Variants in BLTP1 observed in about 807,000 individuals in gnomAD.
BLTP1 encodes bridge-like lipid transfer protein family member 1, also known as fragile site-associated protein.
the BLTP1 span, among the ~76,000 whole-genome samples, chr4:122,310,360 T>C: frequency 2.0e-5 from 3 of 152,108 alleles, no homozygotes; most frequent in Non-Finnish European, 4.4e-5. Context: ...GGGGGGCTTG[T>C]GTAATAAAAG....
the BLTP1 span, chr4:122,351,166 G>A: frequency 2.4e-6 from 1 of 415,162 alleles, no homozygotes; most frequent in Non-Finnish European, 3.2e-6. Flanking sequence ...GGATGATAGA[G>A]GTGTAAGTGG....
the BLTP1 span, among the ~76,000 whole-genome samples, chr4:122,339,885 A>G: frequency 6.6e-6 from 1 of 152,240 alleles, no homozygotes; most frequent in Non-Finnish European, 1.5e-5. Context: ...AAATTTGGTT[A>G]TACAACTCAA....
At chr4:122,254,820 A>G in the BLTP1 span, 1 of 1,578,144 alleles carries the variant, frequency 6.3e-7, no homozygotes, top group Non-Finnish European at 8.6e-7. Context: ...TGAACCTTTT[A>G]AGCACTGCAA....
chr4:122,305,768 G>T, the BLTP1 span: 1 of 1,361,008 alleles, frequency 7.3e-7, no homozygotes, highest in Non-Finnish European at 9.6e-7. Flanking sequence ...CTGAATTTGA[G>T]AAAAATGTAT....
chr4:122,254,706 G>A, the BLTP1 span: 1 of 1,242,282 alleles, frequency 8.0e-7, no homozygotes, highest in Non-Finnish European at 1.0e-6. Context: ...AATTAATTTT[G>A]CCTGAGTAAA....
the BLTP1 span, chr4:122,310,838 T>C: frequency 2.4e-6 from 1 of 425,220 alleles, no homozygotes; most frequent in Non-Finnish European, 3.1e-6. Context: ...ATAGGTAAAA[T>C]ACCAGTACTT....
At chr4:122,286,513 A>C in the BLTP1 span, 4 of 1,612,908 alleles carry the variant, frequency 2.5e-6, no homozygotes, top group Non-Finnish European at 3.4e-6. Flanking sequence ...ACACTAGCAC[A>C]AACAATAACT....
the BLTP1 span, among the ~76,000 whole-genome samples, chr4:122,360,513 A>G: frequency 6.6e-6 from 1 of 152,144 alleles, no homozygotes; most frequent in African/African-American, 2.4e-5. Flanking sequence ...TCCCAGCACA[A>G]CATTCTGCAA....
chr4:122,268,214 T>C, the BLTP1 span, among the ~76,000 whole-genome samples: 2 of 152,292 alleles, frequency 1.3e-5, no homozygotes, highest in African/African-American at 4.8e-5. Flanking sequence ...TAATATTTAG[T>C]ACATTGGAAT....
the BLTP1 span, among the ~76,000 whole-genome samples, chr4:122,309,805 C>T: frequency 1.3e-5 from 2 of 152,000 alleles, no homozygotes; most frequent in African/African-American, 4.8e-5. Flanking sequence ...ATCCAACTCA[C>T]CATAAAACAC....
chr4:122,308,689 C>T, the BLTP1 span, among the ~76,000 whole-genome samples: 1 of 152,028 alleles, frequency 6.6e-6, no homozygotes, highest in Non-Finnish European at 1.5e-5. Context: ...TATGTAACTG[C>T]ATGCACATGT....
At chr4:122,246,906 T>C in the BLTP1 span, 2 of 1,518,036 alleles carry the variant, frequency 1.3e-6, no homozygotes, top group South Asian at 1.3e-5. Context: ...TTTCTAAGAA[T>C]GTAATGTTAA....
chr4:122,251,120 G>A, the BLTP1 span: 1 of 984,440 alleles, frequency 1.0e-6, no homozygotes, highest in Non-Finnish European at 1.2e-6. Context: ...ACTAACTGGT[G>A]ACCTGGGGCA....
chr4:122,312,613 A>AGGTGCTATAC, the BLTP1 span: 1 of 153,066 alleles, frequency 6.5e-6, no homozygotes, highest in South Asian at 2.1e-4. Context: ...TGTGAGACAC[A>AGGTGCTATAC]GGTACTATAC....
chr4:122,193,798 T>C, the BLTP1 span: 1 of 238,148 alleles, frequency 4.2e-6, no homozygotes, highest in Non-Finnish European at 6.8e-6. Context: ...GTATTGACTT[T>C]TTAAATGCTT....
the BLTP1 span, chr4:122,167,784 T>C: frequency 1.0e-6 from 1 of 985,326 alleles, no homozygotes; most frequent in Non-Finnish European, 1.2e-6. Context: ...TCTGTTTCTC[T>C]CTTCCCCATG....
the BLTP1 span, chr4:122,230,278 G>C: frequency 7.5e-7 from 1 of 1,327,980 alleles, no homozygotes; most frequent in Non-Finnish European, 1.1e-6. Context: ...TAATTGTAGA[G>C]GAAATTCTAC....
At chr4:122,201,095 C>T in the BLTP1 span, 1 of 1,613,270 alleles carries the variant, frequency 6.2e-7, no homozygotes, top group Non-Finnish European at 8.5e-7. Context: ...CCACTTACCA[C>T]TTCATCTTTG....
the BLTP1 span, chr4:122,301,388 G>A: frequency 6.3e-7 from 1 of 1,581,612 alleles, no homozygotes; most frequent in Non-Finnish European, 8.6e-7. Flanking sequence ...CCCTAAACTT[G>A]CAGTTCAAGG....
Sources: allele counts gnomAD v4.1 joint callset (sites outside exome capture counted in the v4.1 genomes callset), GRCh38; gene constraint gnomAD v4.1.1; transcripts MANE v1.5; gene names NCBI Gene and HGNC (gene_info 2026-07-23, HGNC 2026-07-21).